The following LIMK1 variants were observed in gnomAD, a reference collection of about 807,000 sequenced individuals.
The protein encoded by LIMK1 is LIM motif-containing protein kinase.
Under a neutral mutation model 77.6 loss-of-function variants are expected in LIMK1, and 21 were observed. That is an observed-to-expected ratio of 0.27 (90% CI 0.19 to 0.39). The LOEUF is 0.39. Ranked by LOEUF, LIMK1 falls within the 10% of genes least tolerant of loss-of-function variation. LIMK1 has a pLI of 1.00. For missense variants in LIMK1, 696 were observed against 901.6 expected (o/e 0.77, Z 2.92); for synonymous variants, 358 against 370.0 (o/e 0.97, Z 0.37).
rs144888674 is a variant in LIMK1 at position 74,089,565 on chromosome 7, G to A, written c.152+3721G>A. ...CTTCGGGGAGGGCATGGGCACTGGCGAATGGCAGGGTGGAACCTGAAGCCA... is the reference window on the plus strand; with the variant it reads ...CTTCGGGGAGGGCATGGGCACTGGCAAATGGCAGGGTGGAACCTGAAGCCA... On this transcript the variant is annotated intron_variant, in intron 2 of 15. Coordinates refer to ENST00000336180, the MANE Select transcript of LIMK1 (RefSeq NM_002314.4). Among the ~76,000 whole-genome samples, 71 of 152,278 alleles carry A rather than the reference G, an allele frequency of 4.7e-4. No individual in the cohort carries two copies. The Middle Eastern group carries it at 0.034, about 73-fold the overall frequency.
At chr7:74,085,926 C>A in intron 2 of LIMK1, 82 bp downstream of exon 2, 1 of 983,586 alleles carries the variant, frequency 1.0e-6, no homozygotes, top group Non-Finnish European at 1.6e-6. Context: ...TGGGGGAGGC[C>A]GGGATATGCC....
chr7:74,111,363 C>G (rs990529739), intron 10 of LIMK1: 1 of 406,516 alleles, frequency 2.5e-6, no homozygotes, highest in Non-Finnish European at 4.6e-6. Flanking sequence ...ACTTGAGCCC[C>G]GGAGGCGAAG....
At chr7:74,088,554 A>G (rs1554694361) in intron 2 of LIMK1, among the ~76,000 whole-genome samples, 2 of 152,088 alleles carry the variant, frequency 1.3e-5, no homozygotes, top group Non-Finnish European at 2.9e-5. Context: ...TAATCCCAGC[A>G]CTTTGGGAGG....
At chr7:74,095,330 T>C (rs145392868) in intron 2 of LIMK1, among the ~76,000 whole-genome samples, 229 of 152,296 alleles carry the variant, frequency 1.5e-3, no homozygotes, top group Non-Finnish European at 2.9e-3. Context: ...GTCTGTACCC[T>C]GACCCAGACA....
intron 10 of LIMK1, chr7:74,111,425 G>A: frequency 7.3e-6 from 4 of 546,070 alleles, no homozygotes; most frequent in Non-Finnish European, 1.3e-5. Context: ...GTGACAGAGT[G>A]AGACTCCATC....
In LIMK1 at chr7:74,100,775, G is replaced by A. The variant is rs553868401; in HGVS notation, c.608+1537G>A. Among the ~76,000 whole-genome samples the A allele has an allele frequency of 7.3e-4, 106 of 144,828 alleles. 1 individual carries two copies. The highest frequency in any genetic ancestry group is 2.6e-3 in the African/African-American group (102 of 38,680). On this transcript the variant is annotated intron_variant, in intron 5 of 15. Transcript: ENST00000336180. The stretch of plus-strand genomic sequence containing the variant: ...TTTCGAGACGGAGTCTCGCTCTGTC[G>A]CCCAGGCTGGAGTGCAGTGGTGTGG...
intron 2 of LIMK1, among the ~76,000 whole-genome samples, chr7:74,094,733 G>A (rs1300753207): frequency 4.0e-5 from 6 of 149,942 alleles, no homozygotes; most frequent in Admixed American, 6.7e-5. Flanking sequence ...TCCGTCCTCC[G>A]CCCCACCCCC....
intron 5 of LIMK1, among the ~76,000 whole-genome samples, chr7:74,105,146 G>A (rs113985073): frequency 3.3e-5 from 5 of 152,216 alleles, no homozygotes; most frequent in East Asian, 1.9e-4. Context: ...TAGAGACGGC[G>A]TTTCACCATG....
intron 13 of LIMK1, among the ~76,000 whole-genome samples, chr7:74,116,733 G>A (rs1414010885): frequency 2.1e-4 from 31 of 145,062 alleles, no homozygotes; most frequent in Non-Finnish European, 2.3e-4. Flanking sequence ...AGAGGGTCTC[G>A]CTCTGTTACT....
chr7:74,107,180 G>T lies in LIMK1; in HGVS notation c.1052G>T (p.Gly351Val). The part of the protein sequence containing the change: ...HGEVLGKGCF[G>V]QAIKVTHRET... ...GAGGTGCTGGGCAAGGGCTGCTTCG[G>T]CCAGGCTATCAAGGTACAGAGCATG... The change falls in exon 8 of 16, where the codon GGC (glycine) becomes GTC (valine). Residue 351 changes from glycine to valine, a missense_variant. Gly to Val is a moderately radical substitution (Grantham distance 109). Around this residue, in one of 3 missense-constraint regions of LIMK1, gnomAD observed 438 missense variants for 602.3 expected, o/e 0.73. Coordinates refer to ENST00000336180, the MANE Select transcript of LIMK1 (RefSeq NM_002314.4). 1 of 1,610,440 alleles carries T rather than the reference G, an allele frequency of 6.2e-7. No individual in the cohort carries two copies.
At chr7:74,084,783 A>G (rs1301663926) in intron 1 of LIMK1, among the ~76,000 whole-genome samples, 3 of 151,692 alleles carry the variant, frequency 2.0e-5, no homozygotes, top group Non-Finnish European at 4.4e-5. Context: ...AGCCTAGGAC[A>G]GGGTCTGGGG....
chr7:74,089,139 A>G (rs1373876105), intron 2 of LIMK1, among the ~76,000 whole-genome samples: 1 of 152,246 alleles, frequency 6.6e-6, no homozygotes, highest in Non-Finnish European at 1.5e-5. Flanking sequence ...CAGAGATTCC[A>G]TGCAATCAAG....
chr7:74,101,988 TA>T (rs781986422), intron 5 of LIMK1, among the ~76,000 whole-genome samples: 2 of 152,088 alleles, frequency 1.3e-5, no homozygotes, highest in Non-Finnish European at 2.9e-5. Flanking sequence ...CACACCCAGC[TA>T]ATTTTTTAAT....
chr7:74,086,164 G>C (rs1799134804), intron 2 of LIMK1, among the ~76,000 whole-genome samples: 1 of 152,108 alleles, frequency 6.6e-6, no homozygotes, highest in African/African-American at 2.4e-5. Flanking sequence ...TCCTGTGTCA[G>C]CCTCTGGAGT....
chr7:74,118,478 G>A lies in LIMK1; in HGVS notation c.1568-2105G>A, dbSNP rs528928889. ...TATAAAACAGTCTTAGTGGCCGGGC[G>A]CAGTGGTTCACGCTTGTAATCCCAG... On this transcript the variant is annotated intron_variant, in intron 13 of 15. Coordinates refer to ENST00000336180, the MANE Select transcript of LIMK1 (RefSeq NM_002314.4). Among the ~76,000 whole-genome samples the A allele has an allele frequency of 6.0e-5, 9 of 149,822 alleles. No individual in the cohort carries two copies. In the South Asian group the frequency reaches 1.5e-3, roughly 25 times the overall value.
intron 10 of LIMK1, 33 bp from the exon 11 acceptor site, chr7:74,111,615 G>A (rs782745992): frequency 8.8e-6 from 14 of 1,597,158 alleles, no homozygotes; most frequent in Admixed American, 1.7e-5. Flanking sequence ...GGCCCCCACC[G>A]GCCCCACCCT....
intron 10 of LIMK1, chr7:74,109,410 C>A (rs1176991863): frequency 1.1e-5 from 3 of 272,552 alleles, no homozygotes; most frequent in Non-Finnish European, 1.5e-5. Flanking sequence ...AATAAAATTA[C>A]AAATCCATCT....
intron 13 of LIMK1, among the ~76,000 whole-genome samples, chr7:74,117,207 G>A (rs1554699677): frequency 6.6e-6 from 1 of 152,032 alleles, no homozygotes; most frequent in Non-Finnish European, 1.5e-5. Context: ...AATAGAGACG[G>A]GGGTATCACT....
intron 5 of LIMK1, among the ~76,000 whole-genome samples, chr7:74,102,624 C>T (rs1234099727): frequency 2.0e-5 from 3 of 151,268 alleles, no homozygotes; most frequent in African/African-American, 7.3e-5. Flanking sequence ...GCTGGGACTA[C>T]AGGCACGGGC....
Sources: gnomAD v4.1 joint callset for allele counts (sites outside exome capture counted in the v4.1 genomes callset) on GRCh38, gnomAD v4.1.1 for gene constraint, gnomAD v4.1.1 regional missense constraint, MANE v1.5 for transcripts, NCBI Gene and HGNC (gene_info 2026-07-23, HGNC 2026-07-21) for gene names.